CTIF: variants seen among roughly 807,000 people sequenced by gnomAD.
CTIF encodes cap binding complex dependent translation initiation factor.
A neutral mutation model predicts 66.0 loss-of-function variants in CTIF; 21 were observed. The observed-to-expected ratio is 0.32, with a 90% CI of 0.23 to 0.46. The LOEUF (loss-of-function observed/expected upper bound fraction) is 0.46, where lower values mean the gene tolerates loss of function less well. Ranked by LOEUF, CTIF falls within the 20% of genes least tolerant of loss-of-function variation. The pLI is 1.00. For missense variants in CTIF, 739 were observed against 812.7 expected (o/e 0.91, Z 1.10); for synonymous variants, 345 against 326.4 (o/e 1.06, Z -0.62).
At chr18:48,699,973 G>A (rs1047748012) in intron 6 of CTIF, among the ~76,000 whole-genome samples, 8 of 152,204 alleles carry the variant, frequency 5.3e-5, no homozygotes, top group African/African-American at 7.2e-5. Context: ...ACACTGGCTC[G>A]GCAGATACTG....
intron 10 of CTIF, among the ~76,000 whole-genome samples, chr18:48,845,550 G>T (rs1568264973): frequency 1.3e-5 from 2 of 152,074 alleles, no homozygotes; most frequent in African/African-American, 4.8e-5. Context: ...GCATTGCTGT[G>T]TTCAGGTTGG....
chr18:48,573,024 A>G (rs990673834), intron 1 of CTIF, among the ~76,000 whole-genome samples: 2 of 151,870 alleles, frequency 1.3e-5, no homozygotes, highest in Non-Finnish European at 1.5e-5. Context: ...GGCAATTGGC[A>G]TTTTCAGCTC....
intron 9 of CTIF, among the ~76,000 whole-genome samples, chr18:48,769,817 C>T (rs542574252): frequency 2.0e-5 from 3 of 152,372 alleles, no homozygotes; most frequent in Admixed American, 1.3e-4. Flanking sequence ...TTATTGAGCA[C>T]CTGCTATATA....
intron 3 of CTIF, among the ~76,000 whole-genome samples, chr18:48,653,397 A>G (rs1373189286): frequency 6.6e-6 from 1 of 152,222 alleles, no homozygotes; most frequent in African/African-American, 2.4e-5. Flanking sequence ...AGAATAAAAT[A>G]CCTAGGAATC....
chr18:48,540,905 C>T (rs1162031968), intron 1 of CTIF, among the ~76,000 whole-genome samples: 1 of 152,112 alleles, frequency 6.6e-6, no homozygotes, highest in African/African-American at 2.4e-5. Context: ...CGGGGAAGAC[C>T]GTAGGGTCGC....
chr18:48,598,209 G>A (rs1273110887), intron 1 of CTIF, among the ~76,000 whole-genome samples: 1 of 152,184 alleles, frequency 6.6e-6, no homozygotes, highest in Non-Finnish European at 1.5e-5. Flanking sequence ...TTTCCTACTT[G>A]GCAACCTAAG....
chr18:48,843,006 C>T (rs1383137286), intron 10 of CTIF, among the ~76,000 whole-genome samples: 1 of 152,136 alleles, frequency 6.6e-6, no homozygotes, highest in Non-Finnish European at 1.5e-5. Flanking sequence ...TTCTGCTTGC[C>T]CGGGGTCCCA....
At chr18:48,670,848 C>G in intron 6 of CTIF, 104 bp downstream of exon 6, 4 of 991,256 alleles carry the variant, frequency 4.0e-6, no homozygotes, top group Non-Finnish European at 4.7e-6. Flanking sequence ...GCTGCTTGTT[C>G]CAGCAAGGAG....
chr18:48,672,260 A>C (rs1386044141), intron 6 of CTIF, among the ~76,000 whole-genome samples: 1 of 151,928 alleles, frequency 6.6e-6, no homozygotes, highest in African/African-American at 2.4e-5. Flanking sequence ...CCCCTCATAA[A>C]TAGGGCTGGC....
chr18:48,713,059 A>C (rs1157485476), intron 7 of CTIF, among the ~76,000 whole-genome samples: 3 of 152,234 alleles, frequency 2.0e-5, no homozygotes, highest in Non-Finnish European at 4.4e-5. Flanking sequence ...ACCAGAGTAC[A>C]GTTTATCGCA....
intron 7 of CTIF, among the ~76,000 whole-genome samples, chr18:48,727,224 G>T (rs1357803528): frequency 1.3e-5 from 2 of 152,170 alleles, no homozygotes; most frequent in South Asian, 2.1e-4. Flanking sequence ...CTGAAATCCA[G>T]CCAGGCAGAT....
At chr18:48,782,314 GC>G (rs1911308199) in intron 9 of CTIF, among the ~76,000 whole-genome samples, 1 of 152,100 alleles carries the variant, frequency 6.6e-6, no homozygotes, top group African/African-American at 2.4e-5. Context: ...AAGCTCCAGG[GC>G]CCCTGCCTGG....
chr18:48,678,981 A>T (rs961976318), intron 6 of CTIF, among the ~76,000 whole-genome samples: 45 of 152,366 alleles, frequency 3.0e-4, no homozygotes, highest in Admixed American at 5.2e-4. Flanking sequence ...CTGTGACTGC[A>T]TTTGTGCCAC....
At chr18:48,623,302 G>A (rs190367631) in intron 2 of CTIF, among the ~76,000 whole-genome samples, 7 of 152,344 alleles carry the variant, frequency 4.6e-5, no homozygotes, top group Admixed American at 6.5e-5. Flanking sequence ...GCTGGGGCCT[G>A]CAGGCCTGCC....
At chr18:48,641,186 T>A (rs987336776) in intron 3 of CTIF, among the ~76,000 whole-genome samples, 77 of 152,230 alleles carry the variant, frequency 5.1e-4, no homozygotes, top group African/African-American at 1.8e-3. Context: ...AGAAAGCTTT[T>A]CAAGGTGTTG....
chr18:48,857,595 A>G lies in CTIF; in HGVS notation c.1535A>G (p.Gln512Arg). The stretch of plus-strand genomic sequence containing the variant: ...TGCCCCTCTCTTCCACAGCTCTTGC[A>G]ATCTCAGGATGTGAAGGAAGATGCT... ...PIYTCLRELL[Q>R]SQDVKEDAVL... The change falls in exon 11 of 12, where the codon CAA becomes CGA. Residue 512 changes from glutamine (Q) to arginine (R), a missense_variant. By Grantham distance (43) the Gln-to-Arg change is conservative. Transcript: ENST00000256413. The G allele has an allele frequency of 6.2e-7, 1 of 1,608,996 alleles. No homozygotes were observed. The highest frequency in any genetic ancestry group is 8.5e-7 in the Non-Finnish European group (1 of 1,177,646).
At chr18:48,786,433 G>C (rs58333317) in intron 9 of CTIF, among the ~76,000 whole-genome samples, 3,881 of 152,278 alleles carry the variant, frequency 0.025, 174 homozygotes, top group African/African-American at 0.089. Flanking sequence ...CTTATAAGCT[G>C]TGTGCCTTTG....
At chr18:48,816,656 G>A (rs1177286837) in intron 9 of CTIF, among the ~76,000 whole-genome samples, 3 of 150,190 alleles carry the variant, frequency 2.0e-5, no homozygotes, top group South Asian at 2.1e-4. Flanking sequence ...TATTTTTAAG[G>A]AGGATGAATG....
At chr18:48,782,769 C>A (rs557118840) in intron 9 of CTIF, among the ~76,000 whole-genome samples, 2 of 152,118 alleles carry the variant, frequency 1.3e-5, no homozygotes, top group Non-Finnish European at 2.9e-5. Context: ...GCTGAGTTGG[C>A]GGGGCCACAC....
Sources: allele counts gnomAD v4.1 joint callset (sites outside exome capture counted in the v4.1 genomes callset), GRCh38; gene constraint gnomAD v4.1.1; transcripts MANE v1.5; gene names NCBI Gene and HGNC (gene_info 2026-07-23, HGNC 2026-07-21).